The following RALYL variants were observed in gnomAD, a reference collection of about 807,000 sequenced individuals.
RALYL encodes the protein RNA-binding Raly-like protein.
A neutral mutation model predicts 35.1 loss-of-function variants in RALYL; 29 were observed. The observed-to-expected ratio is 0.83, with a 90% confidence interval of 0.61 to 1.13. The LOEUF (loss-of-function observed/expected upper bound fraction) is 1.13, where lower values mean the gene tolerates loss of function less well. RALYL is among the 50% of genes most tolerant of loss of function. The pLI, the probability that RALYL is intolerant of heterozygous loss-of-function variation, is 0.00. For synonymous variants in RALYL, 120 were observed against 127.6 expected (o/e 0.94, Z 0.40); for missense variants, 359 against 360.4 (o/e 1.00, Z 0.03).
At chr8:84,633,683 A>C (rs1019998273) in intron 2 of RALYL, among the ~76,000 whole-genome samples, 23 of 151,912 alleles carry the variant, frequency 1.5e-4, no homozygotes, top group African/African-American at 4.6e-4. Flanking sequence ...CATTTGGGAA[A>C]TGAGGACCAA....
chr8:84,418,501 A>T (rs1238831099), intron 1 of RALYL, among the ~76,000 whole-genome samples: 5 of 152,148 alleles, frequency 3.3e-5, no homozygotes, highest in South Asian at 2.1e-4. Flanking sequence ...GAAGGACCCT[A>T]AAATGAGTAG....
chr8:84,459,120 T>C (rs1563966289), intron 1 of RALYL, among the ~76,000 whole-genome samples: 1 of 151,816 alleles, frequency 6.6e-6, no homozygotes, highest in Non-Finnish European at 1.5e-5. Flanking sequence ...ATAACATTTA[T>C]TGAGTTTCTA....
At chr8:84,525,215 T>C (rs1215310520) in intron 1 of RALYL, among the ~76,000 whole-genome samples, 1 of 151,954 alleles carries the variant, frequency 6.6e-6, no homozygotes, top group Non-Finnish European at 1.5e-5. Flanking sequence ...ATCTTTTATT[T>C]TACAGGAGTT....
intron 1 of RALYL, among the ~76,000 whole-genome samples, chr8:84,349,826 G>A (rs1401731700): frequency 6.7e-6 from 1 of 150,068 alleles, no homozygotes; most frequent in Admixed American, 6.6e-5. Flanking sequence ...GCAATGAGAT[G>A]GAGGAATCAC....
chr8:84,666,653 A>T (rs1832114168), intron 2 of RALYL, among the ~76,000 whole-genome samples: 1 of 152,132 alleles, frequency 6.6e-6, no homozygotes. Context: ...CCCAGGAGGC[A>T]CTAATGTGTA....
chr8:84,386,037 G>A (rs1859123886), intron 1 of RALYL, among the ~76,000 whole-genome samples: 1 of 151,806 alleles, frequency 6.6e-6, no homozygotes, highest in Admixed American at 6.6e-5. Context: ...AGCAGTGTAA[G>A]CATTCACTTG....
chr8:84,235,325 T>C (rs1826267687), intron 1 of RALYL, among the ~76,000 whole-genome samples: 1 of 152,204 alleles, frequency 6.6e-6, no homozygotes, highest in South Asian at 2.1e-4. Flanking sequence ...TTGGGGCAAC[T>C]GAACCACTTT....
At chr8:84,264,430 C>T (rs1021461938) in intron 1 of RALYL, among the ~76,000 whole-genome samples, 5 of 147,590 alleles carry the variant, frequency 3.4e-5, no homozygotes, top group African/African-American at 7.4e-5. Flanking sequence ...TGTCTGTGTC[C>T]GTTGCCCACT....
At chr8:84,324,028 A>G (rs1845346422) in intron 1 of RALYL, among the ~76,000 whole-genome samples, 1 of 152,046 alleles carries the variant, frequency 6.6e-6, no homozygotes, top group Admixed American at 6.6e-5. Flanking sequence ...TGTATGTGAA[A>G]CAATAGAACT....
chr8:84,309,780 G>C (rs547495082), intron 1 of RALYL, among the ~76,000 whole-genome samples: 1 of 152,258 alleles, frequency 6.6e-6, no homozygotes, highest in South Asian at 2.1e-4. Flanking sequence ...TCAGAGCTAA[G>C]TGGGTGTTTG....
At chr8:84,418,447 A>T (rs2045008301) in intron 1 of RALYL, among the ~76,000 whole-genome samples, 2 of 152,260 alleles carry the variant, frequency 1.3e-5, no homozygotes, top group South Asian at 4.1e-4. Context: ...TAGAACCGCC[A>T]TTATTTGATT....
At position 84,281,708 on chromosome 8, in the gene RALYL, T is replaced by A. The variant is rs561995202; in HGVS notation, c.-24+97284T>A. On this transcript the variant is annotated intron_variant, in intron 1 of 8. Coordinates refer to ENST00000521268, the MANE Select transcript of RALYL (RefSeq NM_173848.7). ...AGTAATAAGAAAAATTGTATGTGTA[T>A]GTGTGTGTGCACGCATGTATATATG... Among the ~76,000 whole-genome samples, 109 of 152,092 alleles carry A rather than the reference T, an allele frequency of 7.2e-4. 2 individuals are homozygous for A. In the South Asian group the frequency reaches 0.019, roughly 26 times the overall value.
chr8:84,237,319 C>T (rs1384652680), intron 1 of RALYL, among the ~76,000 whole-genome samples: 1 of 152,120 alleles, frequency 6.6e-6, no homozygotes, highest in Non-Finnish European at 1.5e-5. Flanking sequence ...GATGAGACCA[C>T]TGTGTACTAG....
chr8:84,610,469 A>G (rs1395167321), intron 2 of RALYL, among the ~76,000 whole-genome samples: 1 of 152,134 alleles, frequency 6.6e-6, no homozygotes, highest in Admixed American at 6.6e-5. Context: ...CTTTATGTAT[A>G]ACTGTTGATT....
intron 2 of RALYL, among the ~76,000 whole-genome samples, chr8:84,585,699 CT>C (rs752994781): frequency 1.3e-5 from 2 of 152,084 alleles, no homozygotes; most frequent in Admixed American, 6.6e-5. Context: ...CCAAAATGCC[CT>C]TTTTTTATAC....
intron 1 of RALYL, among the ~76,000 whole-genome samples, chr8:84,234,803 A>G (rs111226784): frequency 0.1 from 15,207 of 149,696 alleles, 1,067 homozygotes; most frequent in African/African-American, 0.2. Context: ...CTCGCTCTGT[A>G]GCCCAGGCTG....
intron 2 of RALYL, among the ~76,000 whole-genome samples, chr8:84,641,199 T>A (rs1826238297): frequency 1.3e-5 from 2 of 151,570 alleles, no homozygotes; most frequent in Admixed American, 6.6e-5. Context: ...CCCTGCTTAC[T>A]GGTTTATTTT....
At chr8:84,412,809 G>T (rs2132204827) in intron 1 of RALYL, among the ~76,000 whole-genome samples, 1 of 152,074 alleles carries the variant, frequency 6.6e-6, no homozygotes, top group East Asian at 1.9e-4. Context: ...AACAGTTAAT[G>T]ACACAAGGAA....
chr8:84,443,221 C>T (rs553844946), intron 1 of RALYL, among the ~76,000 whole-genome samples: 10 of 152,072 alleles, frequency 6.6e-5, no homozygotes, highest in South Asian at 4.1e-4. Context: ...GGGAAGTAAA[C>T]GGTACCACCT....
Sources: allele counts gnomAD v4.1 joint callset (sites outside exome capture counted in the v4.1 genomes callset), GRCh38; gene constraint gnomAD v4.1.1; transcripts MANE v1.5; gene names NCBI Gene and HGNC (gene_info 2026-07-23, HGNC 2026-07-21).